Variants in CFAP221 observed in about 807,000 individuals in gnomAD.
CFAP221 encodes cilia and flagella associated protein 221, also known as cilia- and flagella-associated protein 221.
Under a neutral mutation model 113.1 loss-of-function variants are expected in CFAP221, and 97 were observed. The ratio of observed to expected loss-of-function variants is 0.86; its 90% CI spans 0.73 to 1.02. CFAP221 has a LOEUF of 1.02. CFAP221 is among the 50% of genes least tolerant of loss of function. The pLI is 0.00. For missense variants in CFAP221, 1,025 were observed against 1,013.4 expected (o/e 1.01, Z -0.16); for synonymous variants, 331 against 354.4 (o/e 0.93, Z 0.74).
In CFAP221 at chr2:119,656,602, A is replaced by G. The variant is rs1688452383; in HGVS notation, c.*132A>G. 3.4e-6 allele frequency: 2 copies of G among 592,548 alleles called. No homozygotes were observed. The highest frequency in any genetic ancestry group is 6.1e-6 in the Non-Finnish European group (2 of 329,400). 36.7% of individuals were successfully genotyped at this position (592,548 alleles called of 1,614,324 possible). A position where few individuals can be genotyped will look rare whatever the true frequency, so the allele number is the denominator to read the frequency against. Reference sequence around the variant, plus strand: ...AAAATGAAATGTAGAGGATGTATATATCTTTTAAGTGATAATTATAAATCT... The same window carrying G: ...AAAATGAAATGTAGAGGATGTATATGTCTTTTAAGTGATAATTATAAATCT... On this transcript the variant is annotated 3_prime_UTR_variant, in exon 24 of 24. Coordinates refer to ENST00000413369, the MANE Select transcript of CFAP221 (RefSeq NM_001271049.2).
At chr2:119,638,139 C>A in intron 19 of CFAP221, 120 bp from the exon 20 acceptor site, 2 of 997,140 alleles carry the variant, frequency 2.0e-6, no homozygotes, top group Non-Finnish European at 3.0e-6. Context: ...GACAAGCTGA[C>A]ATGGAGTCAC....
intron 14 of CFAP221, among the ~76,000 whole-genome samples, chr2:119,617,066 A>C (rs1472397363): frequency 1.3e-5 from 2 of 152,196 alleles, no homozygotes. Flanking sequence ...TCCTCACCTG[A>C]ACACTGAGGA....
At chr2:119,550,992 G>A (rs900688957) in intron 3 of CFAP221, among the ~76,000 whole-genome samples, 2 of 152,036 alleles carry the variant, frequency 1.3e-5, no homozygotes, top group Non-Finnish European at 2.9e-5. Flanking sequence ...TCATATGAAC[G>A]CAATCATACA....
chr2:119,659,002 A>G (rs1177545860), downstream of CFAP221, among the ~76,000 whole-genome samples: 7 of 20,470 alleles, frequency 3.4e-4, no homozygotes, highest in Admixed American at 9.6e-4. Flanking sequence ...AAAAAAAAAA[A>G]GAAAAAGAAA....
At chr2:119,553,288 G>A (rs1460179019) in intron 3 of CFAP221, among the ~76,000 whole-genome samples, 1 of 152,122 alleles carries the variant, frequency 6.6e-6, no homozygotes, top group African/African-American at 2.4e-5. Flanking sequence ...GACATGCAGG[G>A]GCTTGAGTTG....
At position 119,615,673 on chromosome 2, in the gene CFAP221, C is replaced by CA; in HGVS notation, c.1375dup (p.Arg459LysfsTer28). The CA allele has an allele frequency of 6.2e-7, 1 of 1,612,960 alleles. No homozygotes were observed. The highest frequency in any genetic ancestry group is 1.3e-5 in the African/African-American group (1 of 74,972). ...TTAATAACACTTGGCTCAGCAGGTC[C>CA]AGGGCACAAAAACGGTTTCAACAAG... On this transcript the variant is annotated frameshift_variant, in exon 14 of 24. Transcript: ENST00000413369. LOFTEE classifies it high-confidence loss of function.
chr2:119,549,358 G>A (rs1170262475), intron 3 of CFAP221, among the ~76,000 whole-genome samples, 173 bp downstream of exon 3: 1 of 152,100 alleles, frequency 6.6e-6, no homozygotes, highest in Non-Finnish European at 1.5e-5. Flanking sequence ...CAATGTCTTG[G>A]ACAAGTTACT....
intron 6 of CFAP221, among the ~76,000 whole-genome samples, chr2:119,566,623 T>C (rs556596429): frequency 1.0e-3 from 157 of 152,342 alleles, no homozygotes; most frequent in Non-Finnish European, 1.5e-3. Flanking sequence ...GGGCAGTTTG[T>C]CATTGGATTA....
intron 6 of CFAP221, among the ~76,000 whole-genome samples, chr2:119,581,652 T>C (rs565552420): frequency 7.2e-4 from 109 of 152,268 alleles, no homozygotes; most frequent in Non-Finnish European, 1.4e-3. Context: ...GAGGGAATGG[T>C]ATAGAATAAT....
At chr2:119,638,442 G>A in intron 20 of CFAP221, 25 bp downstream of exon 20, 2 of 1,613,358 alleles carry the variant, frequency 1.2e-6, no homozygotes, top group African/African-American at 1.3e-5. Context: ...AGGCTCACTG[G>A]CAGAGTGACC....
chr2:119,644,454 G>A (rs2104800088), intron 21 of CFAP221, among the ~76,000 whole-genome samples: 1 of 152,238 alleles, frequency 6.6e-6, no homozygotes, highest in South Asian at 2.1e-4. Flanking sequence ...ATGTTCTAAA[G>A]TAAAGTTTTG....
At chr2:119,605,994 A>G (rs1684729097) in intron 11 of CFAP221, among the ~76,000 whole-genome samples, 1 of 152,122 alleles carries the variant, frequency 6.6e-6, no homozygotes. Context: ...TAAATGAACA[A>G]GCAAAATGTT....
intron 13 of CFAP221, among the ~76,000 whole-genome samples, chr2:119,612,715 A>G (rs1558962162): frequency 6.6e-6 from 1 of 152,280 alleles, no homozygotes; most frequent in East Asian, 1.9e-4. Flanking sequence ...TATGGAAACT[A>G]CAATTCAAGA....
intron 7 of CFAP221, among the ~76,000 whole-genome samples, chr2:119,596,472 C>T (rs1683986023): frequency 6.6e-6 from 1 of 152,196 alleles, no homozygotes; most frequent in South Asian, 2.1e-4. Flanking sequence ...GGGATCCTCC[C>T]CAGCATCCTC....
chr2:119,599,844 A>C (rs187611005), intron 7 of CFAP221, among the ~76,000 whole-genome samples: 2 of 152,300 alleles, frequency 1.3e-5, no homozygotes, highest in Admixed American at 1.3e-4. Context: ...TTATTGCTCT[A>C]ACTTTAGTGC....
chr2:119,553,236 C>T (rs1320305383), intron 3 of CFAP221, among the ~76,000 whole-genome samples: 1 of 152,026 alleles, frequency 6.6e-6, no homozygotes, highest in Non-Finnish European at 1.5e-5. Flanking sequence ...AGCCCAAAAG[C>T]CAAGTAGGAA....
chr2:119,606,283 A>AGT (rs1684756987), intron 11 of CFAP221, among the ~76,000 whole-genome samples: 1 of 151,896 alleles, frequency 6.6e-6, no homozygotes, highest in African/African-American at 2.4e-5. Context: ...TACAGGTACG[A>AGT]GTCCCCATGC....
chr2:119,658,101 T>C (rs1355932225), downstream of CFAP221, among the ~76,000 whole-genome samples: 1 of 152,194 alleles, frequency 6.6e-6, no homozygotes, highest in Non-Finnish European at 1.5e-5. Flanking sequence ...ATTCCCACTT[T>C]AGCATCCATT....
At chr2:119,657,258 T>C (rs945608964), downstream of CFAP221, among the ~76,000 whole-genome samples, 2 of 152,240 alleles carry the variant, frequency 1.3e-5, no homozygotes, top group South Asian at 2.1e-4. Flanking sequence ...TATCAGACTG[T>C]ATGTTTGTAG....
Sources: allele counts gnomAD v4.1 joint callset (sites outside exome capture counted in the v4.1 genomes callset), GRCh38; gene constraint gnomAD v4.1.1; transcripts MANE v1.5; gene names NCBI Gene and HGNC (gene_info 2026-07-23, HGNC 2026-07-21).